CLASP1: variants seen among roughly 807,000 people sequenced by gnomAD.
CLASP1 encodes CLIP-associating protein 1.
In CLASP1, 38 loss-of-function variants were observed where a neutral mutation model predicts 192.3. That is an observed-to-expected ratio of 0.20 (90% confidence interval 0.15 to 0.26). The LOEUF is 0.26. Ranked by LOEUF, CLASP1 falls within the 10% of genes least tolerant of loss-of-function variation. The pLI is 1.00. For synonymous variants in CLASP1, 691 were observed against 712.8 expected (o/e 0.97, Z 0.49); for missense variants, 1,433 against 1,932.5 (o/e 0.74, Z 4.85).
chr2:121,514,919 T>C (rs1394097981), intron 7 of CLASP1, among the ~76,000 whole-genome samples: 3 of 152,186 alleles, frequency 2.0e-5, no homozygotes, highest in Admixed American at 1.3e-4. Flanking sequence ...TCTAGGCCTC[T>C]GGGGTTTCCA....
intron 8 of CLASP1, among the ~76,000 whole-genome samples, chr2:121,478,536 G>A (rs1386421704): frequency 6.6e-6 from 1 of 151,016 alleles, no homozygotes; most frequent in Non-Finnish European, 1.5e-5. Context: ...AGGAGGGGGA[G>A]GTTGCAGTGA....
intron 19 of CLASP1, among the ~76,000 whole-genome samples, chr2:121,434,167 A>G (rs947037641): frequency 1.3e-5 from 2 of 152,208 alleles, no homozygotes; most frequent in African/African-American, 4.8e-5. Flanking sequence ...TTCTTTGAAG[A>G]AACAGTTTTG....
intron 1 of CLASP1, among the ~76,000 whole-genome samples, chr2:121,644,032 G>A (rs2072653374): frequency 2.6e-5 from 4 of 152,130 alleles, no homozygotes; most frequent in Non-Finnish European, 4.4e-5. Context: ...CTCCTACCAT[G>A]TATTACCGAC....
chr2:121,636,144 C>T (rs1177466470), intron 1 of CLASP1, among the ~76,000 whole-genome samples: 3 of 151,222 alleles, frequency 2.0e-5, no homozygotes, highest in Non-Finnish European at 4.4e-5. Context: ...CAAGACGAAC[C>T]TGGTCAAGAT....
At chr2:121,555,398 T>C (rs1317492587) in intron 2 of CLASP1, among the ~76,000 whole-genome samples, 1 of 152,238 alleles carries the variant, frequency 6.6e-6, no homozygotes, top group East Asian at 1.9e-4. Context: ...CCTCTGATTT[T>C]TAAAAGCATC....
rs558183092 is a variant in CLASP1 at position 121,587,242 on chromosome 2, A to G, written c.195+18459T>C. 3.9e-5 allele frequency among the ~76,000 whole-genome samples: 6 copies of G among 152,228 alleles called. No individual in the cohort carries two copies. In the South Asian group the frequency reaches 1.2e-3, roughly 32 times the overall value. On this transcript the variant is annotated intron_variant, in intron 2 of 39. Coordinates refer to ENST00000263710, the Ensembl canonical transcript of CLASP1. Reference sequence around the variant, plus strand: ...GGCAACGCGGCGAGACTCTGTTTCAAAAAAAGAAAAAAAAGGAAGAAGACA... The same window carrying G: ...GGCAACGCGGCGAGACTCTGTTTCAGAAAAAGAAAAAAAAGGAAGAAGACA...
chr2:121,457,698 G>C, exon 14 of CLASP1: 2 of 1,611,448 alleles, frequency 1.2e-6, no homozygotes, highest in Non-Finnish European at 1.7e-6. Flanking sequence ...TTCTAACTGC[G>C]ACAGACTTAG....
At chr2:121,535,060 C>T (rs2095015948) in intron 2 of CLASP1, among the ~76,000 whole-genome samples, 1 of 152,160 alleles carries the variant, frequency 6.6e-6, no homozygotes, top group South Asian at 2.1e-4. Flanking sequence ...GGCGGATTGC[C>T]TTAGCTTAGG....
intron 30 of CLASP1, among the ~76,000 whole-genome samples, chr2:121,389,527 G>A (rs577851038): frequency 1.3e-4 from 19 of 150,444 alleles, no homozygotes; most frequent in East Asian, 7.8e-4. Context: ...TGCACTACAA[G>A]GAGGAAAGAA....
chr2:121,420,826 G>A (rs1207278720), intron 22 of CLASP1, among the ~76,000 whole-genome samples: 1 of 152,140 alleles, frequency 6.6e-6, no homozygotes, highest in African/African-American at 2.4e-5. Flanking sequence ...ATACATGCTA[G>A]AACAACGGGG....
At chr2:121,542,300 T>C (rs2095251162) in intron 2 of CLASP1, among the ~76,000 whole-genome samples, 1 of 152,242 alleles carries the variant, frequency 6.6e-6, no homozygotes. Flanking sequence ...GAAAACACAC[T>C]GTATACTATA....
intron 2 of CLASP1, among the ~76,000 whole-genome samples, chr2:121,537,813 T>C (rs2095130587): frequency 6.6e-6 from 1 of 152,232 alleles, no homozygotes; most frequent in Non-Finnish European, 1.5e-5. Flanking sequence ...TCATTCCATG[T>C]AACTTGCCAT....
chr2:121,572,106 G>C (rs900874480), intron 2 of CLASP1, among the ~76,000 whole-genome samples: 1 of 152,180 alleles, frequency 6.6e-6, no homozygotes, highest in African/African-American at 2.4e-5. Context: ...AAGAAAAAAA[G>C]GCAGAGGTCT....
intron 39 of CLASP1, among the ~76,000 whole-genome samples, chr2:121,345,964 G>A (rs2063402407): frequency 6.6e-6 from 1 of 152,200 alleles, no homozygotes; most frequent in Admixed American, 6.5e-5. Flanking sequence ...TGTCAACAGA[G>A]CCAAGGTAGA....
intron 19 of CLASP1, among the ~76,000 whole-genome samples, chr2:121,439,722 G>A (rs2082943081): frequency 6.6e-6 from 1 of 151,216 alleles, no homozygotes; most frequent in African/African-American, 2.4e-5. Flanking sequence ...AAGAAAATGT[G>A]GCACATATAT....
intron 1 of CLASP1, among the ~76,000 whole-genome samples, chr2:121,642,117 T>TAA (rs201953989): frequency 2.8e-5 from 4 of 144,310 alleles, no homozygotes; most frequent in African/African-American, 7.6e-5. Context: ...TTACATATAA[T>TAA]AAAAAAAAAA....
intron 2 of CLASP1, chr2:121,603,154 T>C (rs1447276939): frequency 8.6e-5 from 13 of 151,488 alleles, no homozygotes; most frequent in Non-Finnish European, 1.9e-4. Flanking sequence ...CTCATTACCA[T>C]TGGACCAGCC....
At chr2:121,411,189 G>A (rs1034033685) in intron 23 of CLASP1, among the ~76,000 whole-genome samples, 8 of 152,126 alleles carry the variant, frequency 5.3e-5, no homozygotes, top group Non-Finnish European at 1.0e-4. Context: ...GTTCAAACAT[G>A]GTATTTTATT....
chr2:121,448,355 C>T (rs368678999), intron 17 of CLASP1, 30 bp from the exon 18 acceptor site: 31 of 1,489,110 alleles, frequency 2.1e-5, no homozygotes, highest in Non-Finnish European at 2.8e-5. Context: ...TTATTTATTA[C>T]ATGTACTGTA....
Sources: allele counts gnomAD v4.1 joint callset (sites outside exome capture counted in the v4.1 genomes callset), GRCh38; gene constraint gnomAD v4.1.1; transcripts MANE v1.5; gene names NCBI Gene and HGNC (gene_info 2026-07-23, HGNC 2026-07-21).